SDR16C5: variants seen among roughly 807,000 people sequenced by gnomAD.
SDR16C5 encodes the protein short chain dehydrogenase/reductase family 16C member 5, also known as epidermal retinol dehydrogenase 2.
SDR16C5 carries 20 observed loss-of-function variants against 27.7 expected under a neutral mutation model. The observed-to-expected ratio is 0.72, with a 90% CI of 0.51 to 1.05. SDR16C5 has a LOEUF of 1.05. Among genes scored for constraint, SDR16C5 ranks in the 50% least tolerant of loss-of-function variants. The pLI, the probability that SDR16C5 is intolerant of heterozygous loss-of-function variation, is 0.00. For missense variants in SDR16C5, 374 were observed against 366.3 expected (o/e 1.02, Z -0.17); for synonymous variants, 139 against 132.3 (o/e 1.05, Z -0.35).
chr8:56,304,106 A>G, intron 6 of SDR16C5: 1 of 702,020 alleles, frequency 1.4e-6, no homozygotes, highest in Non-Finnish European at 2.6e-6. Flanking sequence ...ATAGTATGCA[A>G]GAATGACATT....
rs1814744186 is a variant in SDR16C5, at chr8:56,301,179, C to G, written c.*301G>C. On this transcript the variant is annotated 3_prime_UTR_variant, in exon 7 of 7. Coordinates refer to ENST00000303749, the MANE Select transcript of SDR16C5 (RefSeq NM_138969.4). ...AGCCACCTCCCCAACGACCAAAGCT[C>G]AGGGCAGCTCATGGCCATGGCTTAT... The G allele has an allele frequency of 3.9e-6, 1 of 258,810 alleles. No homozygotes were observed. The highest frequency in any genetic ancestry group is 4.9e-5 in the Admixed American group (1 of 20,614). 16.0% of individuals were successfully genotyped at this position (258,810 alleles called of 1,614,324 possible).
rs1814729284 is a variant in SDR16C5, at chr8:56,300,710, G to T, written c.*770C>A. 6.6e-6 allele frequency: 1 copy of T among 152,172 alleles called. No homozygotes were observed. The highest frequency in any genetic ancestry group is 2.1e-4 in the South Asian group (1 of 4,834). The allele number at this position is 152,172 out of a possible 1,614,324, so 9.4% of individuals were successfully genotyped here. ...CACGAATATATTTTTTGGATCAATA[G>T]ATAGCAAAAAACCTAACTTGGTATA... is the stretch of plus-strand genomic sequence containing the variant. On this transcript the variant is annotated 3_prime_UTR_variant, in exon 7 of 7. Coordinates refer to ENST00000303749, the MANE Select transcript of SDR16C5 (RefSeq NM_138969.4).
At position 56,301,284 on chromosome 8, in the gene SDR16C5, C is replaced by A. The variant is rs928182914; in HGVS notation, c.*196G>T. ...TGGAAAAAAAAAGAAAAAGAAAAAA[C>A]CAAAACTCAACCAAATAGGTGATAG... On this transcript the variant is annotated 3_prime_UTR_variant, in exon 7 of 7. Coordinates refer to ENST00000303749, the MANE Select transcript of SDR16C5 (RefSeq NM_138969.4). The A allele has an allele frequency of 3.4e-5, 16 of 470,644 alleles. No individual in the cohort carries two copies. The highest frequency in any genetic ancestry group is 9.7e-5 in the East Asian group (3 of 30,868). 29.2% of individuals were successfully genotyped at this position (470,644 alleles called of 1,614,324 possible).
In SDR16C5 at chr8:56,300,375, T is replaced by G; in HGVS notation, c.*1105A>C. The G allele has an allele frequency of 6.6e-6, 1 of 152,114 alleles. No homozygotes were observed. Among genetic ancestry groups the G allele is most frequent in the East Asian group, 1.9e-4 (1 of 5,180 alleles). 9.4% of individuals were successfully genotyped at this position (152,114 alleles called of 1,614,324 possible). On this transcript the variant is annotated 3_prime_UTR_variant, in exon 7 of 7. Transcript: ENST00000303749. Reference sequence around the variant, plus strand: ...TTTACCGGGTCTCCCAAGGTACCGCTCATCCCCTCCTTGCTCCCCACAAGA... The same window carrying G: ...TTTACCGGGTCTCCCAAGGTACCGCGCATCCCCTCCTTGCTCCCCACAAGA...
At chr8:56,304,028 G>T (rs1814823196) in intron 6 of SDR16C5, 1 of 702,894 alleles carries the variant, frequency 1.4e-6, no homozygotes. Flanking sequence ...AGGATCCTTT[G>T]CTCTGTCCCA....
At chr8:56,315,107 T>C (rs1485035916) in intron 2 of SDR16C5, among the ~76,000 whole-genome samples, 1 of 151,888 alleles carries the variant, frequency 6.6e-6, no homozygotes, top group Admixed American at 6.6e-5. Flanking sequence ...TAGCCAGGCA[T>C]GGTGGCACAG....
intron 1 of SDR16C5, among the ~76,000 whole-genome samples, chr8:56,318,445 G>A (rs1333782915): frequency 6.6e-6 from 1 of 152,200 alleles, no homozygotes; most frequent in African/African-American, 2.4e-5. Context: ...GGATCTGCAA[G>A]GATGAGGGTC....
intron 1 of SDR16C5, 108 bp downstream of exon 1, chr8:56,319,951 G>T (rs1016538784): frequency 6.6e-6 from 1 of 152,350 alleles, no homozygotes; most frequent in African/African-American, 2.4e-5. Flanking sequence ...GCGCCCCCTT[G>T]CGAGCGACCC....
At chr8:56,304,070 T>C (rs1214325719) in intron 6 of SDR16C5, 3 of 702,942 alleles carry the variant, frequency 4.3e-6, no homozygotes, top group East Asian at 2.7e-5. Context: ...TGACCCATCC[T>C]GTGCCAGATG....
Position 56,301,307 on chromosome 8 carries a change from T to C in SDR16C5, c.*173A>G. The C allele has an allele frequency of 1.8e-6, 1 of 558,494 alleles. No individual in the cohort carries two copies. The highest frequency in any genetic ancestry group is 3.2e-6 in the Non-Finnish European group (1 of 311,368). 34.6% of individuals were successfully genotyped at this position (558,494 alleles called of 1,614,324 possible). On this transcript the variant is annotated 3_prime_UTR_variant, in exon 7 of 7. Coordinates refer to ENST00000303749, the MANE Select transcript of SDR16C5 (RefSeq NM_138969.4). The stretch of plus-strand genomic sequence containing the variant: ...AACCAAAACTCAACCAAATAGGTGA[T>C]AGCAACATTATTTTCAAACACATTG...
Position 56,310,322 on chromosome 8 carries a change from AAGG to A in SDR16C5, c.466-1298_466-1296del, listed in dbSNP as rs1236944899. On this transcript the variant is annotated intron_variant, in intron 3 of 6. Transcript: ENST00000303749. ...AGGAGGAGGAGGAAGGAGGAGGAGG[AAGG>A]AGGAGGAGGAGGAAGGAGGAAGAGG... Among the ~76,000 whole-genome samples the A allele has an allele frequency of 1.2e-3, 124 of 100,660 alleles. 17 individuals carry two copies. Among genetic ancestry groups the A allele is most frequent in the African/African-American group, 4.7e-3 (107 of 22,758 alleles). The allele number at this position is 100,660 out of a possible 152,430, so 66.0% of individuals were successfully genotyped here.
intron 3 of SDR16C5, among the ~76,000 whole-genome samples, chr8:56,310,881 A>G (rs538436327): frequency 1.3e-5 from 2 of 152,310 alleles, no homozygotes; most frequent in South Asian, 2.1e-4. Context: ...GGAACATGGT[A>G]GCCACTAAAT....
intron 3 of SDR16C5, chr8:56,309,732 A>G (rs1013710947): frequency 1.6e-5 from 4 of 254,298 alleles, no homozygotes; most frequent in African/African-American, 4.6e-5. Flanking sequence ...CTGCATTGCA[A>G]TAAGTCTCAG....
chr8:56,311,281 G>A (rs541584280), intron 3 of SDR16C5, among the ~76,000 whole-genome samples: 13 of 152,196 alleles, frequency 8.5e-5, no homozygotes, highest in African/African-American at 3.1e-4. Flanking sequence ...TGGGTGTGGT[G>A]GCGCGCACCT....
chr8:56,309,210 T>C, intron 3 of SDR16C5, 183 bp from the exon 4 acceptor site: 1 of 767,148 alleles, frequency 1.3e-6, no homozygotes, highest in Non-Finnish European at 1.6e-6. Context: ...ACCTGTTAAA[T>C]CAGTTTTTTA....
rs201896598 is a variant in SDR16C5, at chr8:56,312,274, G to C, written c.348C>G (p.Val116=). ...TGTTGATTAGGATGGAAACATCGCCGACTTCTTTTTTAACCTGAATTGAAT... is the reference window on the plus strand; with the variant it reads ...TGTTGATTAGGATGGAAACATCGCCCACTTCTTTTTTAACCTGAATTGAAT... The part of the protein sequence containing the change: ...YRVADQVKKE[V]GDVSILINNA... The change falls in exon 3 of 7, where the codon GTC becomes GTG. Residue 116 remains valine, a synonymous_variant. Transcript: ENST00000303749. The C allele has an allele frequency of 9.3e-6, 15 of 1,613,704 alleles. No homozygotes were observed. The East Asian group carries it at 3.1e-4, about 34-fold the overall frequency.
At chr8:56,315,962 T>C in intron 2 of SDR16C5, 53 bp downstream of exon 2, 1 of 1,248,766 alleles carries the variant, frequency 8.0e-7, no homozygotes, top group Non-Finnish European at 1.2e-6. Context: ...GAAAGGCAAG[T>C]GAAAAAGAGT....
chr8:56,314,314 A>T (rs1017464685), intron 2 of SDR16C5, among the ~76,000 whole-genome samples: 2 of 152,218 alleles, frequency 1.3e-5, no homozygotes, highest in African/African-American at 4.8e-5. Flanking sequence ...AGAGGAGCAC[A>T]TAAGTAATTC....
rs765952757 is a variant in SDR16C5 at position 56,305,731 on chromosome 8, T to C, written c.711-9A>G. 65 of 1,570,754 alleles carry C rather than the reference T, an allele frequency of 4.1e-5. No individual in the cohort carries two copies. The Admixed American group carries it at 1.4e-3, about 33-fold the overall frequency. On this transcript the variant is annotated splice_polypyrimidine_tract_variant and intron_variant, in intron 5 of 6. Coordinates refer to ENST00000303749, the MANE Select transcript of SDR16C5 (RefSeq NM_138969.4). The stretch of plus-strand genomic sequence containing the variant: ...GCAACAGAGAAGGACAGCTAGGATA[T>C]AAAATGACAACAATTAAAAAAAACC...
Sources: gnomAD v4.1 joint callset for allele counts (sites outside exome capture counted in the v4.1 genomes callset) on GRCh38, gnomAD v4.1.1 for gene constraint, MANE v1.5 for transcripts, NCBI Gene and HGNC (gene_info 2026-07-23, HGNC 2026-07-21) for gene names.